Variants in DENND11 observed in about 807,000 individuals in gnomAD.
The protein encoded by DENND11 is DENN domain-containing protein 11.
In DENND11, 34 loss-of-function variants were observed where a neutral mutation model predicts 49.2. The observed-to-expected ratio is 0.69, with a 90% confidence interval of 0.53 to 0.92. The LOEUF is 0.92. Among genes scored for constraint, DENND11 ranks in the 40% least tolerant of loss-of-function variants. DENND11 has a pLI of 0.00. For missense variants in DENND11, 475 were observed against 581.6 expected, an observed-to-expected ratio of 0.82 and a Z score of 1.88; for synonymous variants, 238 against 230.3, an observed-to-expected ratio of 1.03 and a Z score of -0.30.
chr7:141,664,462 G>GGAT (rs199913211), intron 7 of DENND11, among the ~76,000 whole-genome samples: 9 of 152,010 alleles, frequency 5.9e-5, no homozygotes, highest in South Asian at 2.1e-4. Context: ...TATCAGAAGG[G>GGAT]GATGATGATG....
rs1408720670 is a variant in DENND11, at chr7:141,656,803, A to G, written c.*5853T>C. On this transcript the variant is annotated 3_prime_UTR_variant, in exon 9 of 9. Coordinates refer to ENST00000536163, the MANE Select transcript of DENND11 (RefSeq NM_001080392.2). ...AGTTATATCAACCTCTCTGCACACA[A>G]CTTGGTTCAGATATATACAGATATG... The G allele has an allele frequency of 6.5e-6, 1 of 152,714 alleles. No homozygotes were observed. The highest frequency in any genetic ancestry group is 6.5e-5 in the Admixed American group (1 of 15,274). The allele number at this position is 152,714 out of a possible 1,614,324, so 9.5% of individuals were successfully genotyped here.
intron 2 of DENND11, among the ~76,000 whole-genome samples, chr7:141,686,257 G>C (rs568093575): frequency 6.6e-6 from 1 of 152,100 alleles, no homozygotes; most frequent in East Asian, 1.9e-4. Context: ...ACTCACACGG[G>C]GCTGAAACTG....
At chr7:141,662,932 A>C in intron 8 of DENND11, 81 bp from the exon 9 acceptor site, 4 of 1,021,024 alleles carry the variant, frequency 3.9e-6, no homozygotes, top group Non-Finnish European at 5.5e-6. Flanking sequence ...TGGGGAACCA[A>C]AACTATACTG....
intron 1 of DENND11, among the ~76,000 whole-genome samples, chr7:141,693,297 T>C (rs1038624068): frequency 6.6e-6 from 1 of 152,184 alleles, no homozygotes; most frequent in Non-Finnish European, 1.5e-5. Context: ...CAAATTAAAA[T>C]AACAATGAGA....
chr7:141,699,916 T>TCTCA (rs374308623), intron 1 of DENND11, among the ~76,000 whole-genome samples: 157 of 146,890 alleles, frequency 1.1e-3, no homozygotes, highest in African/African-American at 3.4e-3. Flanking sequence ...AAACCATCAC[T>TCTCA]CACACACACA....
At chr7:141,698,997 A>G (rs1798461374) in intron 1 of DENND11, among the ~76,000 whole-genome samples, 1 of 152,178 alleles carries the variant, frequency 6.6e-6, no homozygotes, top group Non-Finnish European at 1.5e-5. Flanking sequence ...CTAGGAGTGG[A>G]AACTGAGGAC....
At chr7:141,681,551 A>T (rs1471282301) in intron 3 of DENND11, among the ~76,000 whole-genome samples, 1 of 152,192 alleles carries the variant, frequency 6.6e-6, no homozygotes, top group African/African-American at 2.4e-5. Flanking sequence ...GGAGAAAGGG[A>T]TGGGCCAAAA....
chr7:141,659,419 T>A lies in DENND11; in HGVS notation c.*3237A>T, dbSNP rs1797753346. On this transcript the variant is annotated 3_prime_UTR_variant, in exon 9 of 9. Transcript: ENST00000536163. Reference sequence around the variant, plus strand: ...GGGGATAAGCCCTACCATTTCAAACTCCTTGTGGAGAGTCCTAAGCCAGGG... The same window carrying A: ...GGGGATAAGCCCTACCATTTCAAACACCTTGTGGAGAGTCCTAAGCCAGGG... 6.6e-6 allele frequency: 1 copy of A among 152,200 alleles called. No individual in the cohort carries two copies. The highest frequency in any genetic ancestry group is 2.4e-5 in the African/African-American group (1 of 41,448). The allele number at this position is 152,200 out of a possible 1,614,324, so 9.4% of individuals were successfully genotyped here.
intron 1 of DENND11, among the ~76,000 whole-genome samples, chr7:141,698,588 T>C (rs1470064528): frequency 6.6e-6 from 1 of 152,228 alleles, no homozygotes. Flanking sequence ...ATGAGTCTGA[T>C]GGAAATAAGC....
At chr7:141,691,918 C>A (rs1322975568) in intron 1 of DENND11, among the ~76,000 whole-genome samples, 1 of 151,818 alleles carries the variant, frequency 6.6e-6, no homozygotes, top group Non-Finnish European at 1.5e-5. Flanking sequence ...TAAAAAAAAA[C>A]AGATTTATTA....
At chr7:141,664,876 C>T (rs1216553927) in intron 7 of DENND11, 28 bp downstream of exon 7, 2 of 1,596,486 alleles carry the variant, frequency 1.3e-6, no homozygotes, top group African/African-American at 1.3e-5. Context: ...AGGGTGGAGC[C>T]CCTGGTTCTC....
intron 3 of DENND11, 102 bp from the exon 4 acceptor site, chr7:141,674,322 G>A: frequency 7.1e-7 from 1 of 1,417,712 alleles, no homozygotes; most frequent in Non-Finnish European, 9.2e-7. Flanking sequence ...TCAAGGGGCT[G>A]TAACACTCAG....
At chr7:141,668,494 A>C (rs572883594) in intron 4 of DENND11, among the ~76,000 whole-genome samples, 4 of 152,258 alleles carry the variant, frequency 2.6e-5, no homozygotes, top group African/African-American at 9.6e-5. Flanking sequence ...GCTGAGGCAG[A>C]AGAATTGCTT....
At chr7:141,696,156 G>A (rs919070027) in intron 1 of DENND11, among the ~76,000 whole-genome samples, 7 of 152,294 alleles carry the variant, frequency 4.6e-5, no homozygotes, top group Admixed American at 6.5e-5. Flanking sequence ...AGCTCCAAAG[G>A]TCAGCCTGAC....
intron 3 of DENND11, among the ~76,000 whole-genome samples, chr7:141,683,999 C>T (rs1798190811): frequency 6.6e-6 from 1 of 152,182 alleles, no homozygotes; most frequent in Admixed American, 6.5e-5. Flanking sequence ...GCAATCATAG[C>T]TCACTGCAGC....
At chr7:141,701,380 C>T (rs1413116840) in intron 1 of DENND11, among the ~76,000 whole-genome samples, 1 of 71,982 alleles carries the variant, frequency 1.4e-5, no homozygotes, top group African/African-American at 5.4e-5. Context: ...GAGCGGGGGA[C>T]GGGGTGGGGG....
Position 141,702,063 on chromosome 7 carries a change from C to T in DENND11, c.91G>A (p.Gly31Ser). Reference protein sequence around the residue: ...LPQAPQPQAGGWGRGGGGGAR... With the variant: ...LPQAPQPQAGSWGRGGGGGAR... ...CCCCCGCCGCCGCCCCGGCCCCAGCCTCCCGCCTGCGGCTGCGGGGCCTGC... is the reference window on the plus strand; with the variant it reads ...CCCCCGCCGCCGCCCCGGCCCCAGCTTCCCGCCTGCGGCTGCGGGGCCTGC... The change falls in exon 1 of 9, where the codon GGC becomes AGC. Residue 31 changes from glycine to serine, a missense_variant. By Grantham distance (56) the Gly-to-Ser change is moderately conservative. Coordinates refer to ENST00000536163, the MANE Select transcript of DENND11 (RefSeq NM_001080392.2). 2 of 989,538 alleles carry T rather than the reference C, an allele frequency of 2.0e-6. No individual in the cohort carries two copies. The highest frequency in any genetic ancestry group is 9.0e-5 in the South Asian group (2 of 22,128). 61.3% of individuals were successfully genotyped at this position (989,538 alleles called of 1,614,324 possible). A position where few individuals can be genotyped will look rare whatever the true frequency, so the allele number is the denominator to read the frequency against.
chr7:141,665,456 T>C (rs999699413), intron 5 of DENND11, 138 bp from the exon 6 acceptor site: 128 of 1,219,564 alleles, frequency 1.0e-4, no homozygotes, highest in Non-Finnish European at 1.4e-4. Flanking sequence ...CTGAGGAGAC[T>C]GGAGGTGGCA....
chr7:141,692,493 CT>C (rs1048238455), intron 1 of DENND11, among the ~76,000 whole-genome samples: 2 of 152,108 alleles, frequency 1.3e-5, no homozygotes, highest in African/African-American at 4.8e-5. Flanking sequence ...ATCACATAAT[CT>C]TTGCCAAAGG....
Sources: gnomAD v4.1 joint callset for allele counts (sites outside exome capture counted in the v4.1 genomes callset) on GRCh38, gnomAD v4.1.1 for gene constraint, MANE v1.5 for transcripts, NCBI Gene and HGNC (gene_info 2026-07-23, HGNC 2026-07-21) for gene names.